The following NEGR1 variants were observed in gnomAD, a reference collection of about 807,000 sequenced individuals.
NEGR1 encodes the protein IgLON family member 4.
Under a neutral mutation model 40.9 loss-of-function variants are expected in NEGR1, and 10 were observed. The observed-to-expected ratio is 0.24, with a 90% confidence interval of 0.15 to 0.42. NEGR1 has a LOEUF of 0.42. Among genes scored for constraint, NEGR1 ranks in the 10% least tolerant of loss-of-function variants. The pLI is 1.00. For synonymous variants in NEGR1, 185 were observed against 166.8 expected, an observed-to-expected ratio of 1.11 and a Z score of -0.84; for missense variants, 352 against 438.9, an observed-to-expected ratio of 0.80 and a Z score of 1.77.
intron 1 of NEGR1, among the ~76,000 whole-genome samples, chr1:71,939,810 C>G (rs1196163631): frequency 6.6e-6 from 1 of 152,138 alleles, no homozygotes; most frequent in South Asian, 2.1e-4. Flanking sequence ...ATTAGACATT[C>G]TGCTTAGTAT....
At chr1:72,030,733 T>A (rs1237896707) in intron 1 of NEGR1, among the ~76,000 whole-genome samples, 1 of 152,136 alleles carries the variant, frequency 6.6e-6, no homozygotes, top group Non-Finnish European at 1.5e-5. Context: ...CAAATGTAGT[T>A]ACAGTCATTG....
At chr1:71,628,132 T>A (rs193214616) in intron 4 of NEGR1, among the ~76,000 whole-genome samples, 1 of 152,190 alleles carries the variant, frequency 6.6e-6, no homozygotes. Flanking sequence ...CACTCTACTT[T>A]TATTCTGAAT....
chr1:72,147,295 G>A (rs1300954771), intron 1 of NEGR1, among the ~76,000 whole-genome samples: 2 of 152,078 alleles, frequency 1.3e-5, no homozygotes, highest in Non-Finnish European at 2.9e-5. Flanking sequence ...ATCATGGCAG[G>A]CAGTGAAAGG....
At chr1:72,106,735 G>C (rs1371235133) in intron 1 of NEGR1, among the ~76,000 whole-genome samples, 1 of 151,924 alleles carries the variant, frequency 6.6e-6, no homozygotes, top group Non-Finnish European at 1.5e-5. Flanking sequence ...CTGACCCAGA[G>C]CAATGGTAAA....
chr1:71,881,743 CAG>C (rs1660589867), intron 2 of NEGR1, among the ~76,000 whole-genome samples: 1 of 152,038 alleles, frequency 6.6e-6, no homozygotes, highest in Non-Finnish European at 1.5e-5. Flanking sequence ...AATCATGTGG[CAG>C]ACCACAAGTG....
chr1:72,068,973 C>T (rs973140284), intron 1 of NEGR1, among the ~76,000 whole-genome samples: 9 of 152,112 alleles, frequency 5.9e-5, no homozygotes, highest in East Asian at 5.8e-4. Context: ...AATTAACACT[C>T]GGAAAAATAA....
At chr1:71,927,764 G>A (rs1051330342) in intron 2 of NEGR1, among the ~76,000 whole-genome samples, 13 of 137,700 alleles carry the variant, frequency 9.4e-5, no homozygotes, top group African/African-American at 2.4e-4. Context: ...TGGGTAGATC[G>A]CCTGAGCCCA....
intron 1 of NEGR1, among the ~76,000 whole-genome samples, chr1:72,029,035 T>C (rs760469147): frequency 3.3e-5 from 5 of 152,114 alleles, no homozygotes; most frequent in Non-Finnish European, 7.4e-5. Context: ...GCATAATGGG[T>C]CAAATGACTG....
At chr1:71,667,908 G>A (rs1304460290) in intron 4 of NEGR1, among the ~76,000 whole-genome samples, 1 of 152,098 alleles carries the variant, frequency 6.6e-6, no homozygotes, top group Non-Finnish European at 1.5e-5. Flanking sequence ...CATGATTTAT[G>A]CACTGTATAC....
rs773460216 is a variant in NEGR1 at position 71,987,643 on chromosome 1, G to T, written c.177-52332C>A. 2.0e-5 allele frequency among the ~76,000 whole-genome samples: 3 copies of T among 152,212 alleles called. No homozygotes were observed. In the East Asian group the frequency reaches 5.8e-4, roughly 29 times the overall value. ...ATATTGGAGAAGATATCACAGAAGC[G>T]CATTCCCCACAGCATTTCAGCTACC... On this transcript the variant is annotated intron_variant, in intron 1 of 6. Coordinates refer to ENST00000357731, the MANE Select transcript of NEGR1 (RefSeq NM_173808.3).
At chr1:71,574,784 A>G (rs978157068) in intron 6 of NEGR1, among the ~76,000 whole-genome samples, 2 of 152,210 alleles carry the variant, frequency 1.3e-5, no homozygotes, top group African/African-American at 2.4e-5. Flanking sequence ...CTTATTCTAC[A>G]TTAAGTGATG....
At chr1:71,990,915 TA>T (rs141917899) in intron 1 of NEGR1, among the ~76,000 whole-genome samples, 2,149 of 119,202 alleles carry the variant, frequency 0.018, 44 homozygotes, top group African/African-American at 0.057. Context: ...TATATATATA[TA>T]TATTTTTTTT....
At position 72,282,331 on chromosome 1, in the gene NEGR1, G is replaced by A. The variant is rs1364690756; in HGVS notation, c.164C>T (p.Thr55Met). 1.2e-6 allele frequency: 2 copies of A among 1,614,014 alleles called. No individual in the cohort carries two copies. ...CCGTTCTTCCTACCTAAGCACCGCC[G>A]TGTCCCCTTTTCTGACCATCATGTT... is the stretch of plus-strand genomic sequence containing the variant. ...VDNMMVRKGD[T>M]AVLRCYLEDG... The change falls in exon 1 of 7, where the codon ACG (threonine) becomes ATG (methionine). Residue 55 changes from threonine to methionine, a missense_variant. By Grantham distance (81) the Thr-to-Met change is moderately conservative (BLOSUM62 -1). Transcript: ENST00000357731.
chr1:71,980,387 T>G (rs952588498), intron 1 of NEGR1, among the ~76,000 whole-genome samples: 1 of 152,180 alleles, frequency 6.6e-6, no homozygotes, highest in Non-Finnish European at 1.5e-5. Flanking sequence ...ACATTTTCCA[T>G]GTGCCAGGAT....
At chr1:72,008,023 A>ATT (rs1646623327) in intron 1 of NEGR1, among the ~76,000 whole-genome samples, 1 of 152,166 alleles carries the variant, frequency 6.6e-6, no homozygotes, top group African/African-American at 2.4e-5. Flanking sequence ...GTGTCTAAAT[A>ATT]TTACATTTTT....
chr1:71,810,636 T>C (rs192202125), intron 2 of NEGR1, among the ~76,000 whole-genome samples: 2 of 152,246 alleles, frequency 1.3e-5, no homozygotes, highest in Admixed American at 1.3e-4. Flanking sequence ...AGGAGAAGCT[T>C]GGTGGAAGGT....
intron 1 of NEGR1, among the ~76,000 whole-genome samples, chr1:72,092,815 T>C (rs1250139254): frequency 1.3e-5 from 2 of 151,958 alleles, no homozygotes; most frequent in African/African-American, 4.8e-5. Flanking sequence ...CAGTCCCAGC[T>C]AAGTTTTTGT....
intron 2 of NEGR1, among the ~76,000 whole-genome samples, chr1:71,871,883 A>C (rs1283930650): frequency 6.6e-6 from 1 of 152,192 alleles, no homozygotes; most frequent in African/African-American, 2.4e-5. Context: ...TTTCTATTTG[A>C]GATTAACTGA....
In NEGR1 at chr1:71,398,800, G is replaced by T. The variant is rs1302847889; in HGVS notation, c.*8646C>A. On this transcript the variant is annotated 3_prime_UTR_variant, in exon 7 of 7. Transcript: ENST00000357731. ...GTCTCATTTGGAATTCCCACGGATT[G>T]TGGGAGGGACTTGGTGGGAGGTAAT... 2 of 152,208 alleles carry T rather than the reference G, an allele frequency of 1.3e-5. No individual in the cohort carries two copies. The highest frequency in any genetic ancestry group is 6.5e-5 in the Admixed American group (1 of 15,284). 9.4% of individuals were successfully genotyped at this position (152,208 alleles called of 1,614,324 possible). A position where few individuals can be genotyped will look rare whatever the true frequency, so the allele number is the denominator to read the frequency against.
Sources: gnomAD v4.1 joint callset for allele counts (sites outside exome capture counted in the v4.1 genomes callset) on GRCh38, gnomAD v4.1.1 for gene constraint, MANE v1.5 for transcripts, NCBI Gene and HGNC (gene_info 2026-07-23, HGNC 2026-07-21) for gene names.